CUX2: variants seen among roughly 807,000 people sequenced by gnomAD.
CUX2 encodes the protein cut like homeobox 2, also known as homeobox protein cut-like 2.
Under a neutral mutation model 144.8 loss-of-function variants are expected in CUX2, and 40 were observed. That is an observed-to-expected ratio of 0.28 (90% CI 0.21 to 0.36). CUX2 has a LOEUF of 0.36. Among genes scored for constraint, CUX2 ranks in the 10% least tolerant of loss-of-function variants. The probability of loss-of-function intolerance (pLI) is 1.00; values close to 1 mark genes in which losing one functional copy is unlikely to be tolerated. For missense variants in CUX2, 1,615 were observed against 1,994.0 expected, an observed-to-expected ratio of 0.81 and a Z score of 3.62; for synonymous variants, 827 against 875.6, an observed-to-expected ratio of 0.94 and a Z score of 0.98.
At chr12:111,094,387 G>A (rs925874369) in intron 1 of CUX2, among the ~76,000 whole-genome samples, 1 of 152,240 alleles carries the variant, frequency 6.6e-6, no homozygotes, top group Non-Finnish European at 1.5e-5. Context: ...CTGGAAGCCT[G>A]GTTTTCCTGC....
chr12:111,226,629 G>A (rs934987522), intron 3 of CUX2, among the ~76,000 whole-genome samples: 7 of 152,102 alleles, frequency 4.6e-5, no homozygotes, highest in Admixed American at 1.3e-4. Context: ...AGTCATGGAC[G>A]TGAACCACAT....
At chr12:111,247,807 A>G (rs1400114237) in intron 3 of CUX2, among the ~76,000 whole-genome samples, 4 of 152,116 alleles carry the variant, frequency 2.6e-5, no homozygotes, top group Non-Finnish European at 5.9e-5. Context: ...ATCTTCTCAC[A>G]CACCCTCACA....
intron 1 of CUX2, among the ~76,000 whole-genome samples, chr12:111,153,785 C>T (rs556154199): frequency 5.3e-5 from 8 of 152,244 alleles, no homozygotes; most frequent in South Asian, 4.2e-4. Context: ...TCAGTATATT[C>T]GTTTGCTAGG....
At chr12:111,173,993 A>T (rs928544572) in intron 1 of CUX2, among the ~76,000 whole-genome samples, 7 of 152,314 alleles carry the variant, frequency 4.6e-5, no homozygotes, top group African/African-American at 1.4e-4. Context: ...GTTTCCAGGA[A>T]CCAAATGAAG....
At chr12:111,131,431 A>G (rs552181937) in intron 1 of CUX2, among the ~76,000 whole-genome samples, 8 of 152,036 alleles carry the variant, frequency 5.3e-5, no homozygotes, top group Non-Finnish European at 7.4e-5. Flanking sequence ...TGGCCCTTCC[A>G]AATCTCATGT....
chr12:111,259,182 G>T lies in CUX2; in HGVS notation c.223-4579G>T, dbSNP rs1192371917. Among the ~76,000 whole-genome samples the T allele has an allele frequency of 2.0e-5, 3 of 152,120 alleles. No homozygotes were observed. The South Asian group carries it at 6.2e-4, about 32-fold the overall frequency. On this transcript the variant is annotated intron_variant, in intron 3 of 21. Transcript: ENST00000261726. ...CCTCCCAAGTGCTGAGATTATAGGTGTGAGCCACTGTACCTGGCCTCAGGA... is the reference window on the plus strand; with the variant it reads ...CCTCCCAAGTGCTGAGATTATAGGTTTGAGCCACTGTACCTGGCCTCAGGA...
chr12:111,042,194 A>T (rs1869780186), intron 1 of CUX2, among the ~76,000 whole-genome samples: 1 of 152,190 alleles, frequency 6.6e-6, no homozygotes, highest in Admixed American at 6.5e-5. Context: ...CTCAAGCTGG[A>T]CGGGGTAAAT....
chr12:111,264,361 A>G (rs1019739977), intron 4 of CUX2, among the ~76,000 whole-genome samples: 5 of 152,194 alleles, frequency 3.3e-5, no homozygotes, highest in Non-Finnish European at 5.9e-5. Flanking sequence ...GGGGGAAGCA[A>G]TCCATATGGC....
In CUX2 at chr12:111,320,910, C is replaced by T. The variant is rs1887495163; in HGVS notation, c.2766+135C>T. 3.1e-6 allele frequency: 3 copies of T among 981,998 alleles called. No individual in the cohort carries two copies. Among genetic ancestry groups the T allele is most frequent in the Non-Finnish European group, 4.2e-6 (3 of 720,814 alleles). 60.8% of individuals were successfully genotyped at this position (981,998 alleles called of 1,614,324 possible). On this transcript the variant is annotated intron_variant, in intron 17 of 21. Transcript: ENST00000261726. This position sits in a 1 kb window ranked among gnomAD's most constrained non-coding sequence, Gnocchi z 8.1. ...CCTGAGTCCTGCTGTCCCTGGGTCC[C>T]GCAGGAAGGAGGGCCACTGTTCTGC...
At chr12:111,221,292 T>A (rs10774615) in intron 3 of CUX2, among the ~76,000 whole-genome samples, 1 of 152,054 alleles carries the variant, frequency 6.6e-6, no homozygotes, top group African/African-American at 2.4e-5. Context: ...GTCCTCCTTG[T>A]GCCTCAGGGG....
chr12:111,282,814 A>G (rs1885183512), intron 4 of CUX2, among the ~76,000 whole-genome samples: 1 of 151,780 alleles, frequency 6.6e-6, no homozygotes, highest in Admixed American at 6.6e-5. Context: ...CCTTCCCTCT[A>G]TTGGTGCACA....
At chr12:111,330,725 AT>A (rs1888075743) in intron 18 of CUX2, among the ~76,000 whole-genome samples, 1 of 58,714 alleles carries the variant, frequency 1.7e-5, no homozygotes, top group Non-Finnish European at 3.3e-5. Flanking sequence ...ATATATATAT[AT>A]ATATATATAT....
chr12:111,259,031 C>CTGTG (rs57814010), intron 3 of CUX2, among the ~76,000 whole-genome samples: 13,241 of 131,944 alleles, frequency 0.1, 484 homozygotes, highest in East Asian at 0.25. Context: ...CCACACCCAG[C>CTGTG]TGTGTGTGTG....
intron 18 of CUX2, among the ~76,000 whole-genome samples, chr12:111,328,083 G>T (rs983129187): frequency 6.6e-6 from 1 of 151,972 alleles, no homozygotes; most frequent in Non-Finnish European, 1.5e-5. Flanking sequence ...AATGATGAGG[G>T]AATCAGGCCT....
At chr12:111,313,548 A>G (rs1406931406) in intron 16 of CUX2, among the ~76,000 whole-genome samples, 2 of 151,880 alleles carry the variant, frequency 1.3e-5, no homozygotes, top group Admixed American at 6.6e-5. Context: ...AGGCTGAGGC[A>G]GGAGAATCTC....
intron 1 of CUX2, among the ~76,000 whole-genome samples, chr12:111,079,165 A>T (rs1592871597): frequency 6.6e-6 from 1 of 152,204 alleles, no homozygotes; most frequent in East Asian, 1.9e-4. Flanking sequence ...ATTGTCATTC[A>T]CACGTACAAG....
At chr12:111,146,101 G>A (rs891864229) in intron 1 of CUX2, among the ~76,000 whole-genome samples, 22 of 152,130 alleles carry the variant, frequency 1.4e-4, no homozygotes, top group African/African-American at 5.1e-4. Flanking sequence ...TATATGCCTC[G>A]CCCCTACACG....
chr12:111,341,666 TGATGGCCTCC>T (rs1489070232), intron 20 of CUX2, 104 bp from the exon 21 acceptor site: 1 of 1,270,484 alleles, frequency 7.9e-7, no homozygotes, highest in East Asian at 2.3e-5. Flanking sequence ...GCTTAGGGCA[TGATGGCCTCC>T]GAGTGGGCCT....
chr12:111,314,897 G>C (rs549058556), intron 16 of CUX2, among the ~76,000 whole-genome samples: 2 of 152,064 alleles, frequency 1.3e-5, no homozygotes, highest in South Asian at 4.2e-4. Context: ...TAAACCGACA[G>C]GACAACTGAG....
Sources: gnomAD v4.1 joint callset for allele counts (sites outside exome capture counted in the v4.1 genomes callset) on GRCh38, gnomAD v4.1.1 for gene constraint, Gnocchi (gnomAD v3.1) non-coding constraint, MANE v1.5 for transcripts, NCBI Gene and HGNC (gene_info 2026-07-23, HGNC 2026-07-21) for gene names.